SCAPER: variants seen among roughly 807,000 people sequenced by gnomAD.
SCAPER encodes S-phase cyclin A associated protein in the ER.
A neutral mutation model predicts 182.2 loss-of-function variants in SCAPER; 98 were observed. That is an observed-to-expected ratio of 0.54 (90% confidence interval 0.46 to 0.64). The LOEUF (loss-of-function observed/expected upper bound fraction) is 0.64, where lower values mean the gene tolerates loss of function less well. Ranked by LOEUF, SCAPER falls within the 30% of genes least tolerant of loss-of-function variation. SCAPER has a pLI of 0.00. For synonymous variants in SCAPER, 605 were observed against 564.6 expected, an observed-to-expected ratio of 1.07 and a Z score of -1.01; for missense variants, 1,432 against 1,690.0, an observed-to-expected ratio of 0.85 and a Z score of 2.68.
chr15:76,589,805 T>C (rs1424303271), intron 22 of SCAPER, among the ~76,000 whole-genome samples: 1 of 152,170 alleles, frequency 6.6e-6, no homozygotes, highest in African/African-American at 2.4e-5. Flanking sequence ...AGGACCCCTG[T>C]GAGACAAGTC....
chr15:76,449,121 GGCA>G (rs2048199558), intron 25 of SCAPER, among the ~76,000 whole-genome samples: 1 of 152,126 alleles, frequency 6.6e-6, no homozygotes, highest in Admixed American at 6.5e-5. Context: ...GTTATTCATA[GGCA>G]GCAACAAATG....
chr15:76,566,878 CATGT>C (rs1267892962), intron 23 of SCAPER, among the ~76,000 whole-genome samples: 15 of 151,972 alleles, frequency 9.9e-5, no homozygotes, highest in Admixed American at 8.5e-4. Flanking sequence ...AATTAGCAAA[CATGT>C]ATGTACAAGT....
intron 27 of SCAPER, among the ~76,000 whole-genome samples, chr15:76,384,434 C>T (rs549532931): frequency 4.6e-5 from 7 of 152,162 alleles, no homozygotes; most frequent in South Asian, 4.1e-4. Flanking sequence ...TTTCCTCTTC[C>T]GAAGAATATG....
intron 1 of SCAPER, among the ~76,000 whole-genome samples, chr15:76,904,963 C>A (rs1035439390): frequency 6.6e-6 from 1 of 152,184 alleles, no homozygotes; most frequent in Non-Finnish European, 1.5e-5. Flanking sequence ...GACGCGGCAG[C>A]CCCCCACTCA....
chr15:76,761,930 T>A (rs896651586), intron 14 of SCAPER, among the ~76,000 whole-genome samples: 1 of 152,172 alleles, frequency 6.6e-6, no homozygotes, highest in Non-Finnish European at 1.5e-5. Flanking sequence ...TCCCTTCAGA[T>A]TTGTATTTGT....
chr15:76,886,433 T>A (rs941542730), intron 1 of SCAPER, among the ~76,000 whole-genome samples: 3 of 152,082 alleles, frequency 2.0e-5, no homozygotes, highest in African/African-American at 7.2e-5. Context: ...TGAGCCAAGG[T>A]TGTGCCACTG....
intron 21 of SCAPER, among the ~76,000 whole-genome samples, chr15:76,623,527 G>A (rs1597764370): frequency 6.6e-6 from 1 of 152,092 alleles, no homozygotes; most frequent in Non-Finnish European, 1.5e-5. Flanking sequence ...GCTTATTTTT[G>A]TCAGCTTTAC....
At chr15:76,761,368 C>T (rs2062777848) in intron 14 of SCAPER, among the ~76,000 whole-genome samples, 1 of 151,946 alleles carries the variant, frequency 6.6e-6, no homozygotes, top group Non-Finnish European at 1.5e-5. Context: ...CATACAGTAA[C>T]TTTGGGGTTA....
chr15:76,747,036 A>G (rs965491370), intron 15 of SCAPER, among the ~76,000 whole-genome samples: 3 of 152,240 alleles, frequency 2.0e-5, no homozygotes, highest in African/African-American at 4.8e-5. Context: ...GGCAAGGTAC[A>G]CTACATTGGT....
chr15:76,743,236 T>C (rs1307190323), intron 15 of SCAPER, among the ~76,000 whole-genome samples: 1 of 152,132 alleles, frequency 6.6e-6, no homozygotes, highest in African/African-American at 2.4e-5. Context: ...CCATGTCTAT[T>C]TTCTTTGTAG....
rs373728823 is a variant in SCAPER at position 76,538,512 on chromosome 15, A to C, written c.2839-33538T>G. Among the ~76,000 whole-genome samples, 14 of 152,272 alleles carry C rather than the reference A, an allele frequency of 9.2e-5. 1 individual carries two copies. The highest frequency in any genetic ancestry group is 2.4e-4 in the African/African-American group (10 of 41,572). On this transcript the variant is annotated intron_variant, in intron 23 of 31. Transcript: ENST00000563290. ...GTTCTCATTCATAGATGGGAATTGA[A>C]CAATGAGAACACATGGACACAGGAA...
chr15:76,632,425 C>T (rs540209754), intron 21 of SCAPER, among the ~76,000 whole-genome samples: 1 of 152,202 alleles, frequency 6.6e-6, no homozygotes, highest in African/African-American at 2.4e-5. Context: ...AATCTCCTGA[C>T]TTTGTGATCC....
At chr15:76,646,808 A>G (rs2054586367) in intron 21 of SCAPER, among the ~76,000 whole-genome samples, 2 of 152,214 alleles carry the variant, frequency 1.3e-5, no homozygotes. Flanking sequence ...TATCCAGTTT[A>G]AAATATATGC....
Position 76,820,762 on chromosome 15 carries a change from GA to G in SCAPER, c.394-16130del, listed in dbSNP as rs1001251198. Reference sequence around the variant, plus strand: ...AATAATAATAAAATTTTTTAAAAAAGAAAAAAAAAACTCAACAATAAGAAAA... The same window carrying G: ...AATAATAATAAAATTTTTTAAAAAAGAAAAAAAAACTCAACAATAAGAAAA... On this transcript the variant is annotated intron_variant, in intron 5 of 31. Coordinates refer to ENST00000563290, the MANE Select transcript of SCAPER (RefSeq NM_020843.4). Among the ~76,000 whole-genome samples the G allele has an allele frequency of 1.9e-3, 278 of 143,274 alleles. 1 individual carries two copies. Among genetic ancestry groups the G allele is most frequent in the Middle Eastern group, 0.01 (3 of 286 alleles). 94.0% of individuals were successfully genotyped at this position (143,274 alleles called of 152,430 possible).
intron 5 of SCAPER, among the ~76,000 whole-genome samples, chr15:76,819,109 CCA>C (rs2067312730): frequency 6.6e-6 from 1 of 152,236 alleles, no homozygotes; most frequent in Non-Finnish European, 1.5e-5. Context: ...TGGGTGGAGC[CCA>C]CCACTGCTCA....
chr15:76,670,324 GA>G (rs1567753821), intron 20 of SCAPER, among the ~76,000 whole-genome samples: 1 of 151,840 alleles, frequency 6.6e-6, no homozygotes, highest in Non-Finnish European at 1.5e-5. Context: ...TGCTATATTT[GA>G]TATAAATATA....
At chr15:76,729,149 G>T (rs1022357926) in intron 16 of SCAPER, among the ~76,000 whole-genome samples, 5 of 151,988 alleles carry the variant, frequency 3.3e-5, no homozygotes, top group Admixed American at 2.6e-4. Flanking sequence ...AAGTTCTTCA[G>T]TTTTGGAACT....
chr15:76,348,640 TTC>T lies in SCAPER; in HGVS notation c.4194_4195del (p.Lys1400IlefsTer14). The T allele has an allele frequency of 6.5e-7, 1 of 1,540,168 alleles. No homozygotes were observed. Among genetic ancestry groups the T allele is most frequent in the Non-Finnish European group, 8.8e-7 (1 of 1,141,218 alleles). On this transcript the variant is annotated frameshift_variant, in exon 32 of 32. Transcript: ENST00000563290. LOFTEE classifies it high-confidence loss of function. Reference sequence around the variant, plus strand: ...CAGAATCAACCAAAACATTTATTTTTTCTCTTTTTTCAAGAAAAACTGTCGAG... The same window carrying T: ...CAGAATCAACCAAAACATTTATTTTTTCTTTTTTCAAGAAAAACTGTCGAG...
chr15:76,654,909 A>G (rs2055495319), intron 21 of SCAPER, among the ~76,000 whole-genome samples: 1 of 152,256 alleles, frequency 6.6e-6, no homozygotes, highest in Non-Finnish European at 1.5e-5. Flanking sequence ...AGGAAAAAGG[A>G]TAGCAACTTC....
Sources: gnomAD v4.1 joint callset for allele counts (sites outside exome capture counted in the v4.1 genomes callset) on GRCh38, gnomAD v4.1.1 for gene constraint, MANE v1.5 for transcripts, NCBI Gene and HGNC (gene_info 2026-07-23, HGNC 2026-07-21) for gene names.